ST3GAL2: variants seen among roughly 807,000 people sequenced by gnomAD.
The protein encoded by ST3GAL2 is ST3 beta-galactoside alpha-2,3-sialyltransferase 2.
Under a neutral mutation model 37.5 loss-of-function variants are expected in ST3GAL2, and 16 were observed. That is an observed-to-expected ratio of 0.43 (90% CI 0.29 to 0.65). The LOEUF (loss-of-function observed/expected upper bound fraction) is 0.65, where lower values mean the gene tolerates loss of function less well. Ranked by LOEUF, ST3GAL2 falls within the 30% of genes least tolerant of loss-of-function variation. ST3GAL2 has a pLI of 0.17. For missense variants in ST3GAL2, 383 were observed against 487.8 expected (o/e 0.79, Z 2.02); for synonymous variants, 238 against 202.9 (o/e 1.17, Z -1.47).
rs1276722496 is a variant in ST3GAL2, at chr16:70,398,189, T to C, written c.339+3A>G. ...ATCCCTGGAAGGGAGCAGCAGCTCT[T>C]ACCATCCACCACCTCTGGACGTCCG... On this transcript the variant is annotated splice_donor_region_variant and intron_variant, in intron 2 of 6. Coordinates refer to ENST00000342907, the MANE Select transcript of ST3GAL2 (RefSeq NM_006927.4). 6.2e-7 allele frequency: 1 copy of C among 1,609,956 alleles called. No individual in the cohort carries two copies. Among genetic ancestry groups the C allele is most frequent in the Non-Finnish European group, 8.5e-7 (1 of 1,177,386 alleles).
At chr16:70,417,908 G>C (rs746891652) in intron 1 of ST3GAL2, among the ~76,000 whole-genome samples, 7 of 152,122 alleles carry the variant, frequency 4.6e-5, no homozygotes, top group Admixed American at 1.3e-4. Context: ...ACCTCCCGGG[G>C]TGAAGGGACT....
chr16:70,395,832 G>A (rs928176753), intron 2 of ST3GAL2, among the ~76,000 whole-genome samples: 2 of 152,212 alleles, frequency 1.3e-5, no homozygotes, highest in African/African-American at 4.8e-5. Context: ...ACAGCCAACA[G>A]ATCTGAGCCC....
intron 4 of ST3GAL2, among the ~76,000 whole-genome samples, chr16:70,388,061 A>G (rs1008115059): frequency 7.9e-5 from 12 of 151,844 alleles, no homozygotes; most frequent in Non-Finnish European, 1.5e-4. Context: ...GCAGTGAGCC[A>G]AGATCGCGCC....
chr16:70,385,239 T>C (rs2047434000), intron 4 of ST3GAL2, among the ~76,000 whole-genome samples: 1 of 152,024 alleles, frequency 6.6e-6, no homozygotes. Context: ...CAGGTTGCAG[T>C]GAGCCGAGAA....
chr16:70,422,412 C>T (rs1040052897), intron 1 of ST3GAL2, among the ~76,000 whole-genome samples: 2 of 152,124 alleles, frequency 1.3e-5, no homozygotes, highest in African/African-American at 2.4e-5. Flanking sequence ...CAGTTAAAAC[C>T]GGCCCCAGGC....
At chr16:70,427,188 C>T (rs1213658298) in intron 1 of ST3GAL2, among the ~76,000 whole-genome samples, 2 of 152,106 alleles carry the variant, frequency 1.3e-5, no homozygotes, top group Non-Finnish European at 2.9e-5. Context: ...CGCCCCTGAA[C>T]ACCAGACCCA....
chr16:70,408,909 A>AAAAAAAAAAAAAAAAAAG, intron 1 of ST3GAL2, among the ~76,000 whole-genome samples: 1 of 117,174 alleles, frequency 8.5e-6, no homozygotes, highest in Non-Finnish European at 1.6e-5. Flanking sequence ...AAAAAAAAAA[A>AAAAAAAAAAAAAAAAAAG]AAAAAAAAAA....
intron 1 of ST3GAL2, among the ~76,000 whole-genome samples, chr16:70,427,580 G>A (rs1259871214): frequency 2.0e-5 from 3 of 151,286 alleles, no homozygotes; most frequent in Admixed American, 1.3e-4. Flanking sequence ...CTCGTGATCC[G>A]CCCGCCTCAG....
chr16:70,382,754 G>A (rs187308538), intron 6 of ST3GAL2, 51 bp downstream of exon 6: 625 of 1,611,350 alleles, frequency 3.9e-4, no homozygotes, highest in Admixed American at 1.7e-3. Context: ...GAGAAGGCCT[G>A]CACTCCTCTG....
intron 3 of ST3GAL2, among the ~76,000 whole-genome samples, 165 bp from the exon 4 acceptor site, chr16:70,388,711 T>A (rs1463279045): frequency 1.3e-5 from 2 of 152,092 alleles, no homozygotes; most frequent in African/African-American, 4.8e-5. Flanking sequence ...TACAAAGGTG[T>A]GCAAAGATGT....
Position 70,381,661 on chromosome 16 carries a change from G to A in ST3GAL2, c.*28C>T. 6.2e-7 allele frequency: 1 copy of A among 1,609,002 alleles called. No homozygotes were observed. The highest frequency in any genetic ancestry group is 8.5e-7 in the Non-Finnish European group (1 of 1,177,874). ...CCGGAGCCCCGGTGCCCGATAGATG[G>A]GCCGGAAGGGTCGCGGCGAGGCCCG... On this transcript the variant is annotated 3_prime_UTR_variant, in exon 7 of 7. Coordinates refer to ENST00000342907, the MANE Select transcript of ST3GAL2 (RefSeq NM_006927.4).
At position 70,398,472 on chromosome 16, in the gene ST3GAL2, A is replaced by C. The variant is rs750881963; in HGVS notation, c.59T>G (p.Met20Arg). ...GTGCGAGTAGGTGAAGAGCAGGGAC[A>C]TGATGAACACCAGCAGGAAGGCCAC... ...LSVAFLLVFI[M>R]SLLFTYSHHS... Residue 20 changes from methionine to arginine, a missense_variant, in exon 2 of 7, where the codon ATG becomes AGG. By Grantham distance (91) the Met-to-Arg change is moderately conservative. Transcript: ENST00000342907. 6.2e-7 allele frequency: 1 copy of C among 1,613,454 alleles called. No individual in the cohort carries two copies. The highest frequency in any genetic ancestry group is 8.5e-7 in the Non-Finnish European group (1 of 1,179,954).
At chr16:70,404,376 A>T (rs114167954) in intron 1 of ST3GAL2, among the ~76,000 whole-genome samples, 1,806 of 152,292 alleles carry the variant, frequency 0.012, 29 homozygotes, top group African/African-American at 0.041. Flanking sequence ...TGACCACTGG[A>T]TGGAGGGCAG....
At chr16:70,424,266 A>T (rs2047735707) in intron 1 of ST3GAL2, among the ~76,000 whole-genome samples, 1 of 138,888 alleles carries the variant, frequency 7.2e-6, no homozygotes, top group Non-Finnish European at 1.5e-5. Flanking sequence ...AAGTGCTGGG[A>T]TTACAGGTGT....
intron 1 of ST3GAL2, among the ~76,000 whole-genome samples, chr16:70,430,622 C>A (rs1217886550): frequency 2.0e-5 from 3 of 152,160 alleles, no homozygotes; most frequent in Non-Finnish European, 4.4e-5. Flanking sequence ...TGCTGGAGGC[C>A]CCAGAAACCA....
In ST3GAL2 at chr16:70,379,807, T is replaced by TC. The variant is rs2047382911; in HGVS notation, c.*1881_*1882insG. The TC allele has an allele frequency of 6.6e-6, 1 of 151,644 alleles. No individual in the cohort carries two copies. The highest frequency in any genetic ancestry group is 6.6e-5 in the Admixed American group (1 of 15,180). 9.4% of individuals were successfully genotyped at this position (151,644 alleles called of 1,614,324 possible). On this transcript the variant is annotated 3_prime_UTR_variant, in exon 7 of 7. Coordinates refer to ENST00000342907, the MANE Select transcript of ST3GAL2 (RefSeq NM_006927.4). ...TGGCTAATTTTTGTATTTTTTTTTT[T>TC]TTTTGGTAGAGACGAGGTTTCACCA...
Position 70,378,019 on chromosome 16 carries a change from C to T in ST3GAL2, c.*3670G>A, listed in dbSNP as rs2047362567. The T allele has an allele frequency of 6.6e-6, 1 of 152,010 alleles. No individual in the cohort carries two copies. Among genetic ancestry groups the T allele is most frequent in the South Asian group, 2.1e-4 (1 of 4,828 alleles). 9.4% of individuals were successfully genotyped at this position (152,010 alleles called of 1,614,324 possible). A position where few individuals can be genotyped will look rare whatever the true frequency, so the allele number is the denominator to read the frequency against. On this transcript the variant is annotated 3_prime_UTR_variant, in exon 7 of 7. Transcript: ENST00000342907. ...ACTCACATGGGCAAATAAATGGAAA[C>T]AATAACAGCAATAGACGGGAAATTT...
At chr16:70,437,700 C>A (rs2047835418) in intron 1 of ST3GAL2, among the ~76,000 whole-genome samples, 4 of 152,138 alleles carry the variant, frequency 2.6e-5, no homozygotes. Flanking sequence ...CCTGAAAGGG[C>A]AACCCCTCCA....
intron 1 of ST3GAL2, among the ~76,000 whole-genome samples, chr16:70,434,435 C>CA (rs1597579455): frequency 6.8e-6 from 1 of 147,576 alleles, no homozygotes; most frequent in African/African-American, 2.5e-5. Flanking sequence ...GACTCCATCT[C>CA]AAAAACAAAA....
Sources: allele counts gnomAD v4.1 joint callset (sites outside exome capture counted in the v4.1 genomes callset), GRCh38; gene constraint gnomAD v4.1.1; transcripts MANE v1.5; gene names NCBI Gene and HGNC (gene_info 2026-07-23, HGNC 2026-07-21).